Variants in PPFIA2 observed in about 807,000 individuals in gnomAD.
PPFIA2 encodes the protein PPFI scaffold protein A2.
In PPFIA2, 46 loss-of-function variants were observed where a neutral mutation model predicts 175.5. The ratio of observed to expected loss-of-function variants is 0.26; its 90% confidence interval spans 0.21 to 0.34. The LOEUF (loss-of-function observed/expected upper bound fraction) is 0.34. PPFIA2 is among the 10% of genes least tolerant of loss of function. The probability of loss-of-function intolerance (pLI) is 1.00; values close to 1 mark genes in which losing one functional copy is unlikely to be tolerated. For synonymous variants in PPFIA2, 568 were observed against 511.4 expected (o/e 1.11, Z -1.49); for missense variants, 1,179 against 1,506.1 (o/e 0.78, Z 3.60).
chr12:81,500,163 C>T (rs2147363888), intron 4 of PPFIA2, among the ~76,000 whole-genome samples: 1 of 152,180 alleles, frequency 6.6e-6, no homozygotes, highest in African/African-American at 2.4e-5. Flanking sequence ...TAGGTGTGGC[C>T]ATATTCAAAT....
intron 4 of PPFIA2, among the ~76,000 whole-genome samples, chr12:81,549,106 T>C (rs1275428186): frequency 1.3e-5 from 2 of 152,122 alleles, no homozygotes; most frequent in African/African-American, 4.8e-5. Flanking sequence ...TTCTCCCATC[T>C]GTCCCAACCT....
chr12:81,354,673 T>C (rs2060592923), intron 16 of PPFIA2, among the ~76,000 whole-genome samples: 1 of 151,982 alleles, frequency 6.6e-6, no homozygotes, highest in African/African-American at 2.4e-5. Flanking sequence ...AGAGGGAGTC[T>C]TGCTCTGTTG....
intron 21 of PPFIA2, among the ~76,000 whole-genome samples, chr12:81,334,502 A>AT (rs1249860765): frequency 2.0e-5 from 3 of 151,548 alleles, no homozygotes; most frequent in Non-Finnish European, 4.4e-5. Flanking sequence ...AAAAAAAAAA[A>AT]AATAAATCTC....
At chr12:81,530,317 T>G (rs964781954) in intron 4 of PPFIA2, among the ~76,000 whole-genome samples, 1 of 151,920 alleles carries the variant, frequency 6.6e-6, no homozygotes, top group Admixed American at 6.6e-5. Flanking sequence ...GAACACAATT[T>G]TAGTATCCTG....
At chr12:81,445,827 A>G in intron 5 of PPFIA2, 107 bp from the exon 6 acceptor site, 1 of 1,081,214 alleles carries the variant, frequency 9.2e-7, no homozygotes, top group South Asian at 1.7e-5. Flanking sequence ...ATCTAATGTT[A>G]GCTGCAGGTT....
In PPFIA2 at chr12:81,656,431, G is replaced by A. The variant is rs951840701; in HGVS notation, c.303+20360C>T. On this transcript the variant is annotated intron_variant, in intron 4 of 32. Coordinates refer to ENST00000549396, the MANE Select transcript of PPFIA2 (RefSeq NM_003625.5). ...CTAGTGTTTCTGAATAGGTGTATGC[G>A]GAAGATTTCTCCAGACTTCGCCATG... Among the ~76,000 whole-genome samples the A allele has an allele frequency of 6.6e-5, 10 of 152,034 alleles. No individual in the cohort carries two copies. In the East Asian group the frequency reaches 1.2e-3, roughly 18 times the overall value.
At chr12:81,498,601 A>T (rs924062312) in intron 4 of PPFIA2, among the ~76,000 whole-genome samples, 1 of 152,008 alleles carries the variant, frequency 6.6e-6, no homozygotes. Flanking sequence ...ATTTTATTTA[A>T]CTTATTAATT....
At chr12:81,297,653 G>A (rs2046820965) in intron 23 of PPFIA2, among the ~76,000 whole-genome samples, 1 of 152,094 alleles carries the variant, frequency 6.6e-6, no homozygotes, top group African/African-American at 2.4e-5. Context: ...GTCTTCTTTG[G>A]ACCCTAATGA....
chr12:81,283,115 C>A (rs1341220938), intron 25 of PPFIA2, 76 bp from the exon 26 acceptor site: 5 of 1,373,106 alleles, frequency 3.6e-6, no homozygotes, highest in South Asian at 1.2e-5. Context: ...TAAAATTTTT[C>A]TAGCAGAAGC....
intron 4 of PPFIA2, among the ~76,000 whole-genome samples, chr12:81,485,829 T>G (rs977906171): frequency 2.6e-5 from 4 of 151,864 alleles, no homozygotes; most frequent in Non-Finnish European, 4.4e-5. Context: ...TAAGGAACAT[T>G]GAATGTTAAA....
At chr12:81,331,002 C>A (rs1296351969) in intron 21 of PPFIA2, among the ~76,000 whole-genome samples, 3 of 152,150 alleles carry the variant, frequency 2.0e-5, no homozygotes, top group African/African-American at 7.2e-5. Context: ...CTAATGGACA[C>A]TTTGTGGAAT....
intron 17 of PPFIA2, 78 bp from the exon 18 acceptor site, chr12:81,347,848 A>T: frequency 6.5e-7 from 1 of 1,528,976 alleles, no homozygotes; most frequent in Non-Finnish European, 8.7e-7. Flanking sequence ...GATCATTGGA[A>T]TTCACATAAT....
chr12:81,374,803 G>A, intron 10 of PPFIA2, 35 bp from the exon 11 acceptor site: 1 of 1,585,610 alleles, frequency 6.3e-7, no homozygotes, highest in Non-Finnish European at 8.6e-7. Context: ...CACTTAAAGA[G>A]TCAGAGTTTG....
At chr12:81,345,887 A>G (rs2058990117) in intron 18 of PPFIA2, among the ~76,000 whole-genome samples, 1 of 152,202 alleles carries the variant, frequency 6.6e-6, no homozygotes, top group South Asian at 2.1e-4. Context: ...ATATCTCAGC[A>G]CATTGGCTAA....
chr12:81,682,217 G>A (rs186670739), intron 3 of PPFIA2, among the ~76,000 whole-genome samples: 40 of 152,014 alleles, frequency 2.6e-4, no homozygotes, highest in Non-Finnish European at 4.3e-4. Context: ...TATAAGAAGC[G>A]GAAGAGATAG....
intron 29 of PPFIA2, chr12:81,267,253 G>A (rs759303653): frequency 1.7e-6 from 1 of 577,350 alleles, no homozygotes; most frequent in Non-Finnish European, 3.2e-6. Flanking sequence ...AACATCTGAG[G>A]TCAAGAGGCT....
At chr12:81,624,517 A>T (rs1239278804) in intron 4 of PPFIA2, among the ~76,000 whole-genome samples, 2 of 146,826 alleles carry the variant, frequency 1.4e-5, no homozygotes, top group Non-Finnish European at 3.0e-5. Context: ...TTATATGTAT[A>T]ATACATATTA....
At chr12:81,714,894 G>A (rs943923213) in intron 3 of PPFIA2, among the ~76,000 whole-genome samples, 2 of 151,032 alleles carry the variant, frequency 1.3e-5, no homozygotes, top group African/African-American at 2.4e-5. Context: ...GGACATATAT[G>A]TTAATGCTTG....
chr12:81,598,490 T>C, intron 4 of PPFIA2: 9 of 444,162 alleles, frequency 2.0e-5, no homozygotes, highest in Non-Finnish European at 2.7e-5. Context: ...AGAGGACCTC[T>C]TCTGACTAAC....
Sources: allele counts gnomAD v4.1 joint callset (sites outside exome capture counted in the v4.1 genomes callset), GRCh38; gene constraint gnomAD v4.1.1; transcripts MANE v1.5; gene names NCBI Gene and HGNC (gene_info 2026-07-23, HGNC 2026-07-21).